Variants in OTUD7A observed in about 807,000 individuals in gnomAD.
OTUD7A encodes the protein OTU domain-containing protein 7A.
In OTUD7A, 12 loss-of-function variants were observed where a neutral mutation model predicts 65.7. That is an observed-to-expected ratio of 0.18 (90% confidence interval 0.12 to 0.30). The LOEUF is 0.30. Ranked by LOEUF, OTUD7A falls within the 10% of genes least tolerant of loss-of-function variation. The pLI, the probability that OTUD7A is intolerant of heterozygous loss-of-function variation, is 1.00. For synonymous variants in OTUD7A, 641 were observed against 586.3 expected (o/e 1.09, Z -1.35); for missense variants, 1,148 against 1,304.8 (o/e 0.88, Z 1.85).
chr15:31,680,238 T>TTTTTAATATAGAATACACA (rs1452040905), intron 1 of OTUD7A, among the ~76,000 whole-genome samples: 5 of 152,162 alleles, frequency 3.3e-5, no homozygotes, highest in African/African-American at 4.8e-5. Flanking sequence ...TCTAAAATTG[T>TTTTTAATATAGAATACACA]TTTTAATATA....
rs1321705284 is a variant in OTUD7A at position 31,858,045 on chromosome 15, G to A, written c.-100+12462C>T. Reference sequence around the variant, plus strand: ...ACAAAAGTATGTATATCACTGTGTCGTGGCACTGTTGTCTTCCCGGAAAGG... The same window carrying A: ...ACAAAAGTATGTATATCACTGTGTCATGGCACTGTTGTCTTCCCGGAAAGG... On this transcript the variant is annotated intron_variant, in intron 1 of 12. Coordinates refer to ENST00000307050, the MANE Select transcript of OTUD7A (RefSeq NM_001382637.1). Among the ~76,000 whole-genome samples, 4 of 152,156 alleles carry A rather than the reference G, an allele frequency of 2.6e-5. No homozygotes were observed. In the East Asian group the frequency reaches 5.8e-4, roughly 22 times the overall value.
chr15:31,693,636 T>C (rs1893009518), intron 1 of OTUD7A, among the ~76,000 whole-genome samples: 1 of 152,144 alleles, frequency 6.6e-6, no homozygotes, highest in Non-Finnish European at 1.5e-5. Flanking sequence ...GCTAACGCTG[T>C]GGACACACCG....
At position 31,791,426 on chromosome 15, in the gene OTUD7A, T is replaced by G. The variant is rs978559871; in HGVS notation, c.-100+79081A>C. ...CTCCTCTGGGATTCTTCAAATTTTG[T>G]ATTCCATCATCCCACCTTCTATTTT... is the stretch of plus-strand genomic sequence containing the variant. On this transcript the variant is annotated intron_variant, in intron 1 of 12. Transcript: ENST00000307050. Among the ~76,000 whole-genome samples, 6 of 152,336 alleles carry G rather than the reference T, an allele frequency of 3.9e-5. No homozygotes were observed. The South Asian group carries it at 1.0e-3, about 26-fold the overall frequency.
At chr15:31,600,960 C>A (rs1051587572) in intron 3 of OTUD7A, among the ~76,000 whole-genome samples, 40 of 152,168 alleles carry the variant, frequency 2.6e-4, no homozygotes, top group African/African-American at 8.9e-4. Context: ...ATTCACAAAG[C>A]AAGTTCTTAG....
chr15:31,489,501 C>T (rs970388672), intron 10 of OTUD7A, among the ~76,000 whole-genome samples: 15 of 152,086 alleles, frequency 9.9e-5, no homozygotes, highest in South Asian at 2.1e-4. Context: ...CCACCCCGGC[C>T]CCAGGATTTA....
At chr15:31,583,001 G>A (rs1889418328) in intron 3 of OTUD7A, among the ~76,000 whole-genome samples, 1 of 152,126 alleles carries the variant, frequency 6.6e-6, no homozygotes, top group Non-Finnish European at 1.5e-5. Flanking sequence ...ATGATTTGAG[G>A]GATTTCAGTG....
chr15:31,865,614 G>A (rs1254308654), intron 1 of OTUD7A, among the ~76,000 whole-genome samples: 1 of 152,178 alleles, frequency 6.6e-6, no homozygotes, highest in Non-Finnish European at 1.5e-5. Context: ...AGCCCTGGGG[G>A]CATGAAAACT....
At chr15:31,753,721 T>TATATATATTATATATATATATATTATA (rs879561188) in intron 1 of OTUD7A, among the ~76,000 whole-genome samples, 1 of 106,776 alleles carries the variant, frequency 9.4e-6, no homozygotes, top group Non-Finnish European at 1.8e-5. Flanking sequence ...TATATATATA[T>TATATATATTATATATATATATATTATA]TATATATATA....
At chr15:31,756,271 C>A (rs965305741) in intron 1 of OTUD7A, among the ~76,000 whole-genome samples, 1 of 152,138 alleles carries the variant, frequency 6.6e-6, no homozygotes, top group Admixed American at 6.5e-5. Flanking sequence ...ACATTATTAC[C>A]ATTCATCATT....
chr15:31,852,464 CA>C (rs5811668), intron 1 of OTUD7A, among the ~76,000 whole-genome samples: 3,590 of 152,316 alleles, frequency 0.024, 72 homozygotes, highest in Non-Finnish European at 0.036. Flanking sequence ...TTAAAACAAA[CA>C]AATCTCAAAT....
chr15:31,681,774 T>TC (rs1356984464), intron 1 of OTUD7A, among the ~76,000 whole-genome samples: 2 of 148,734 alleles, frequency 1.3e-5, no homozygotes, highest in Non-Finnish European at 3.0e-5. Flanking sequence ...CCTTTTCAGT[T>TC]CCTTTCACTC....
chr15:31,617,073 T>C (rs1016587770), intron 3 of OTUD7A, among the ~76,000 whole-genome samples: 1 of 152,016 alleles, frequency 6.6e-6, no homozygotes, highest in Non-Finnish European at 1.5e-5. Context: ...GCTGAGAGGG[T>C]AGATCTACAA....
chr15:31,538,405 G>A (rs1887875011), intron 5 of OTUD7A, among the ~76,000 whole-genome samples: 1 of 152,188 alleles, frequency 6.6e-6, no homozygotes, highest in South Asian at 2.1e-4. Flanking sequence ...GGCTGGGTTA[G>A]TGTGTTCTCC....
At chr15:31,580,427 G>A (rs928627625) in intron 3 of OTUD7A, among the ~76,000 whole-genome samples, 16 of 152,186 alleles carry the variant, frequency 1.1e-4, no homozygotes, top group African/African-American at 3.1e-4. Context: ...TTGCATTTAA[G>A]AAAAATTACT....
chr15:31,824,924 T>C (rs757035720), intron 1 of OTUD7A, among the ~76,000 whole-genome samples: 1 of 152,254 alleles, frequency 6.6e-6, no homozygotes, highest in Non-Finnish European at 1.5e-5. Context: ...CTCTGATTTA[T>C]GGCAGGCTTG....
intron 5 of OTUD7A, among the ~76,000 whole-genome samples, chr15:31,538,072 G>C (rs1370917677): frequency 6.6e-6 from 1 of 152,176 alleles, no homozygotes; most frequent in African/African-American, 2.4e-5. Flanking sequence ...CACTCCCCTT[G>C]CCATGGACTG....
intron 1 of OTUD7A, among the ~76,000 whole-genome samples, chr15:31,848,410 C>A (rs1384235875): frequency 6.6e-6 from 1 of 151,994 alleles, no homozygotes; most frequent in Non-Finnish European, 1.5e-5. Flanking sequence ...AATGGTTCCC[C>A]AGTTGTAGGT....
intron 4 of OTUD7A, among the ~76,000 whole-genome samples, chr15:31,568,462 A>T (rs1402607193): frequency 1.3e-5 from 2 of 152,230 alleles, no homozygotes; most frequent in African/African-American, 4.8e-5. Context: ...ACAGGCTCAC[A>T]GGTGGAAGGG....
At chr15:31,686,314 C>T (rs1237254185) in intron 1 of OTUD7A, among the ~76,000 whole-genome samples, 3 of 152,246 alleles carry the variant, frequency 2.0e-5, no homozygotes, top group Admixed American at 6.5e-5. Context: ...CTCCAGCACA[C>T]AGGCCATGAG....
Sources: allele counts gnomAD v4.1 joint callset (sites outside exome capture counted in the v4.1 genomes callset), GRCh38; gene constraint gnomAD v4.1.1; transcripts MANE v1.5; gene names NCBI Gene and HGNC (gene_info 2026-07-23, HGNC 2026-07-21).